Variants in MYO3B observed in about 807,000 individuals in gnomAD.
MYO3B encodes myosin-IIIb.
Under a neutral mutation model 174.6 loss-of-function variants are expected in MYO3B, and 156 were observed. The ratio of observed to expected loss-of-function variants is 0.89; its 90% CI spans 0.78 to 1.02. The LOEUF (loss-of-function observed/expected upper bound fraction) is 1.02. Among genes scored for constraint, MYO3B ranks in the 50% least tolerant of loss-of-function variants. The probability of loss-of-function intolerance (pLI) is 0.00; values close to 1 mark genes in which losing one functional copy is unlikely to be tolerated. For missense variants in MYO3B, 1,632 were observed against 1,639.4 expected (o/e 1.00, Z 0.08); for synonymous variants, 563 against 569.1 (o/e 0.99, Z 0.15).
intron 7 of MYO3B, among the ~76,000 whole-genome samples, chr2:170,247,972 A>G (rs1003877099): frequency 3.3e-5 from 5 of 151,864 alleles, no homozygotes; most frequent in South Asian, 2.1e-4. Flanking sequence ...TGCTTCCTCT[A>G]CATCTGAACC....
At chr2:170,285,489 T>C (rs1280437188) in intron 7 of MYO3B, among the ~76,000 whole-genome samples, 3 of 152,106 alleles carry the variant, frequency 2.0e-5, no homozygotes, top group African/African-American at 7.2e-5. Flanking sequence ...GCTTCCCAAG[T>C]AGCTGGGACT....
rs1575055403 is a variant in MYO3B at position 170,484,329 on chromosome 2, T to C, written c.3015-14263T>C. On this transcript the variant is annotated intron_variant, in intron 25 of 34. Transcript: ENST00000408978. ...ATGCCCATCCTCAAAATAAATAAAT[T>C]GAGGTGGTTGAACACATCTGAATAT... Among the ~76,000 whole-genome samples, 4 of 152,286 alleles carry C rather than the reference T, an allele frequency of 2.6e-5. No homozygotes were observed. In the South Asian group the frequency reaches 8.3e-4, roughly 32 times the overall value.
Position 170,382,611 on chromosome 2 carries a change from C to T in MYO3B, c.1069-462C>T, listed in dbSNP as rs79084490. On this transcript the variant is annotated intron_variant, in intron 10 of 34. Transcript: ENST00000408978. ...TGAGTCTAACTCTGGGGATTGTTAC[C>T]TTCAATGTCTAAATCACTAAAGTGT... is the stretch of plus-strand genomic sequence containing the variant. The T allele has an allele frequency of 3.8e-3, 644 of 169,238 alleles. 4 individuals carry two copies. The highest frequency in any genetic ancestry group is 0.014 in the African/African-American group (573 of 41,846). The allele number at this position is 169,238 out of a possible 1,614,324, so 10.5% of individuals were successfully genotyped here.
intron 25 of MYO3B, among the ~76,000 whole-genome samples, chr2:170,480,233 C>T (rs1685604768): frequency 6.6e-6 from 1 of 152,110 alleles, no homozygotes; most frequent in South Asian, 2.1e-4. Flanking sequence ...CAAGGCAAGA[C>T]TTTAATCTTC....
rs368098559 is a variant in MYO3B at position 170,466,662 on chromosome 2, C to T, written c.2965C>T (p.Arg989Cys). Reference protein sequence around the residue: ...STGILETVSIRRQGYSHRILF... With the variant: ...STGILETVSICRQGYSHRILF... ...AGGGATTCTGGAGACAGTCAGCATC[C>T]GCCGCCAGGGCTATTCCCACCGCAT... Residue 989 changes from arginine (R) to cysteine (C), a missense_variant, in exon 25 of 35, where the codon CGC becomes TGC. Coordinates refer to ENST00000408978, the MANE Select transcript of MYO3B (RefSeq NM_138995.5). 6.4e-5 allele frequency: 104 copies of T among 1,614,084 alleles called. No individual in the cohort carries two copies. Among genetic ancestry groups the T allele is most frequent in the Non-Finnish European group, 8.0e-5 (94 of 1,180,050 alleles).
chr2:170,453,958 G>A (rs1424471828), intron 23 of MYO3B, among the ~76,000 whole-genome samples: 1 of 152,208 alleles, frequency 6.6e-6, no homozygotes, highest in African/African-American at 2.4e-5. Context: ...AGTCAGGCCT[G>A]TTGAGCTTTC....
At chr2:170,198,419 C>A (rs1251647588) in intron 1 of MYO3B, among the ~76,000 whole-genome samples, 3 of 152,164 alleles carry the variant, frequency 2.0e-5, no homozygotes, top group African/African-American at 7.2e-5. Context: ...TGGTTTTGTT[C>A]ATCTCAGTTT....
chr2:170,433,505 G>T (rs899966370), intron 22 of MYO3B, among the ~76,000 whole-genome samples: 4 of 152,230 alleles, frequency 2.6e-5, no homozygotes, highest in Admixed American at 2.0e-4. Context: ...CTGGGCAAGT[G>T]TTCTTCTGAG....
chr2:170,234,951 G>C (rs1201696844), intron 6 of MYO3B, among the ~76,000 whole-genome samples: 1 of 152,164 alleles, frequency 6.6e-6, no homozygotes, highest in Non-Finnish European at 1.5e-5. Context: ...ACAGTAGCCA[G>C]AGTGATCTTG....
intron 1 of MYO3B, among the ~76,000 whole-genome samples, chr2:170,189,667 C>A (rs958169322): frequency 6.6e-6 from 1 of 151,998 alleles, no homozygotes; most frequent in African/African-American, 2.4e-5. Context: ...GCCAGAATGT[C>A]TGCTTGATTG....
intron 8 of MYO3B, among the ~76,000 whole-genome samples, chr2:170,337,521 G>A (rs1005796494): frequency 6.6e-6 from 1 of 152,184 alleles, no homozygotes; most frequent in African/African-American, 2.4e-5. Context: ...TAAGCTCGGT[G>A]TTCCTTGGAT....
intron 14 of MYO3B, among the ~76,000 whole-genome samples, chr2:170,388,402 C>T (rs1030383533): frequency 5.3e-5 from 8 of 152,068 alleles, no homozygotes; most frequent in Non-Finnish European, 1.0e-4. Flanking sequence ...GAAAGAGGGG[C>T]TCCCTGTATA....
intron 32 of MYO3B, among the ~76,000 whole-genome samples, chr2:170,617,734 T>C (rs1321463193): frequency 6.6e-6 from 1 of 152,202 alleles, no homozygotes; most frequent in African/African-American, 2.4e-5. Flanking sequence ...CACTACGTTT[T>C]TGATAAGTAA....
intron 6 of MYO3B, among the ~76,000 whole-genome samples, chr2:170,223,513 G>A (rs2092922749): frequency 6.6e-6 from 1 of 152,246 alleles, no homozygotes; most frequent in Admixed American, 6.5e-5. Flanking sequence ...TAGACACAGA[G>A]TGGGTAGGTG....
intron 7 of MYO3B, among the ~76,000 whole-genome samples, chr2:170,271,434 A>T (rs568107150): frequency 2.2e-4 from 34 of 152,296 alleles, no homozygotes; most frequent in African/African-American, 7.9e-4. Flanking sequence ...CTCTGTTAAC[A>T]TGTCATCTGT....
At chr2:170,534,533 C>A (rs180852513) in intron 30 of MYO3B, among the ~76,000 whole-genome samples, 130 of 152,242 alleles carry the variant, frequency 8.5e-4, no homozygotes, top group African/African-American at 3.1e-3. Context: ...GTAACCTCAG[C>A]CTTCTGGGCT....
rs1372851683 is a variant in MYO3B at position 170,294,604 on chromosome 2, T to A, written c.750-40781T>A. ...TGAATTAATGTATGCTTGGAAGGAATGTGTACCCTTTAATTGTGAGTGGCA... is the reference window on the plus strand; with the variant it reads ...TGAATTAATGTATGCTTGGAAGGAAAGTGTACCCTTTAATTGTGAGTGGCA... On this transcript the variant is annotated intron_variant, in intron 7 of 34. Coordinates refer to ENST00000408978, the MANE Select transcript of MYO3B (RefSeq NM_138995.5). Among the ~76,000 whole-genome samples the A allele has an allele frequency of 2.0e-5, 3 of 152,162 alleles. No individual in the cohort carries two copies. In the East Asian group the frequency reaches 5.8e-4, roughly 29 times the overall value.
chr2:170,591,684 C>T (rs1457814260), intron 32 of MYO3B, among the ~76,000 whole-genome samples: 1 of 152,174 alleles, frequency 6.6e-6, no homozygotes, highest in Non-Finnish European at 1.5e-5. Context: ...TATTCCAACC[C>T]TCTTGTTTCA....
intron 22 of MYO3B, among the ~76,000 whole-genome samples, chr2:170,419,310 A>T (rs1355544215): frequency 6.6e-6 from 1 of 152,186 alleles, no homozygotes; most frequent in Non-Finnish European, 1.5e-5. Context: ...GAGCGGTTTA[A>T]ACAATAGGCA....
Sources: allele counts gnomAD v4.1 joint callset (sites outside exome capture counted in the v4.1 genomes callset), GRCh38; gene constraint gnomAD v4.1.1; transcripts MANE v1.5; gene names NCBI Gene and HGNC (gene_info 2026-07-23, HGNC 2026-07-21).